Variants in WNK1 observed in about 807,000 individuals in gnomAD.
WNK1 encodes the protein serine/threonine-protein kinase WNK1.
Under a neutral mutation model 222.8 loss-of-function variants are expected in WNK1, and 38 were observed. The observed-to-expected ratio is 0.17, with a 90% CI of 0.13 to 0.22. The LOEUF (loss-of-function observed/expected upper bound fraction) is 0.22. Ranked by LOEUF, WNK1 falls within the 10% of genes least tolerant of loss-of-function variation. The pLI, the probability that WNK1 is intolerant of heterozygous loss-of-function variation, is 1.00. For synonymous variants in WNK1, 1,090 were observed against 1,092.9 expected (o/e 1.00, Z 0.05); for missense variants, 2,348 against 2,918.4 (o/e 0.80, Z 4.50).
intron 3 of WNK1, among the ~76,000 whole-genome samples, chr12:829,644 T>C (rs753891685): frequency 5.9e-5 from 9 of 152,238 alleles, no homozygotes; most frequent in Non-Finnish European, 1.2e-4. Context: ...GTTCCTTGCA[T>C]AGTGTCTTTC....
At chr12:762,144 C>T (rs1484018603) in intron 1 of WNK1, among the ~76,000 whole-genome samples, 1 of 145,094 alleles carries the variant, frequency 6.9e-6, no homozygotes, top group Non-Finnish European at 1.5e-5. Context: ...ACTGCTACCT[C>T]TGCCTCCTGG....
chr12:861,501 A>T (rs977101743), intron 7 of WNK1, among the ~76,000 whole-genome samples, 158 bp downstream of exon 7: 9 of 152,172 alleles, frequency 5.9e-5, no homozygotes, highest in African/African-American at 2.2e-4. Context: ...TTATTCTTAT[A>T]TCTGTGACTA....
intron 15 of WNK1, 100 bp downstream of exon 15, chr12:883,159 A>G (rs1435208830): frequency 3.8e-6 from 4 of 1,047,956 alleles, no homozygotes; most frequent in East Asian, 4.7e-5. Flanking sequence ...ATGTTTTTTT[A>G]AAGTTATGCA....
intron 1 of WNK1, among the ~76,000 whole-genome samples, chr12:770,852 T>G (rs1942389612): frequency 6.6e-6 from 1 of 152,220 alleles, no homozygotes; most frequent in South Asian, 2.1e-4. Flanking sequence ...GGCTTTGTTC[T>G]TTGAGAACTT....
chr12:851,177 C>G (rs11064570), intron 4 of WNK1, among the ~76,000 whole-genome samples: 18,837 of 152,208 alleles, frequency 0.12, 1,503 homozygotes, highest in South Asian at 0.21. Context: ...TTGTGATTCC[C>G]TGTCCAGTGT....
In WNK1 at chr12:882,203, T is replaced by TG; in HGVS notation, c.3372+130_3372+131insG. 6.8e-6 allele frequency: 6 copies of TG among 880,134 alleles called. No homozygotes were observed. The East Asian group carries it at 1.4e-4, about 20-fold the overall frequency. 54.5% of individuals were successfully genotyped at this position (880,134 alleles called of 1,614,324 possible). The stretch of plus-strand genomic sequence containing the variant: ...TAACTATCTGTGTGTGACAGATAAT[T>TG]TTTTTTTTTTTTAGACGGAGTCTCG... On this transcript the variant is annotated intron_variant, in intron 14 of 27. Coordinates refer to ENST00000315939, the MANE Select transcript of WNK1 (RefSeq NM_018979.4).
chr12:785,421 G>A (rs56111888), intron 1 of WNK1, among the ~76,000 whole-genome samples: 54,021 of 111,108 alleles, frequency 0.49, 11,002 homozygotes, highest in Admixed American at 0.61. Flanking sequence ...CCCCCTCGAA[G>A]TGGAGTCTTG....
At chr12:908,294 G>A in intron 27 of WNK1, 181 bp from the exon 28 acceptor site, 1 of 771,190 alleles carries the variant, frequency 1.3e-6, no homozygotes, top group Non-Finnish European at 2.1e-6. Context: ...ACACGCACAT[G>A]ACATCCCTCC....
At position 767,234 on chromosome 12, in the gene WNK1, G is replaced by GTTTTTTTTTTTTTTTTTT. The variant is rs71051382; in HGVS notation, c.759+12928_759+12945dup. Among the ~76,000 whole-genome samples the GTTTTTTTTTTTTTTTTTT allele has an allele frequency of 4.2e-5, 3 of 70,890 alleles. 1 individual carries two copies. Among genetic ancestry groups the GTTTTTTTTTTTTTTTTTT allele is most frequent in the African/African-American group, 1.9e-4 (3 of 15,768 alleles). The allele number at this position is 70,890 out of a possible 152,430, so 46.5% of individuals were successfully genotyped here. On this transcript the variant is annotated intron_variant, in intron 1 of 27. Coordinates refer to ENST00000315939, the MANE Select transcript of WNK1 (RefSeq NM_018979.4). ...TGTGGCAGACTTTCTGGGTTGATAG[G>GTTTTTTTTTTTTTTTTTT]TTTTTTTTTTTTTTTTTTTTTTTTT...
intron 1 of WNK1, among the ~76,000 whole-genome samples, chr12:766,432 T>G (rs1459188915): frequency 1.3e-5 from 2 of 152,104 alleles, no homozygotes; most frequent in Non-Finnish European, 2.9e-5. Context: ...TTTGTCTGCT[T>G]TGGTATCTAT....
At position 868,302 on chromosome 12, in the gene WNK1, C is replaced by T. The variant is rs780984459; in HGVS notation, c.2140-2963C>T. On this transcript the variant is annotated intron_variant, in intron 8 of 27. Transcript: ENST00000315939. The stretch of plus-strand genomic sequence containing the variant: ...TATGTAGCTGGGGTACATTACCAGG[C>T]CCGGGTGGCAGAACAGTATGAGGGC... The T allele has an allele frequency of 1.3e-5, 21 of 1,609,386 alleles. No individual in the cohort carries two copies. The highest frequency in any genetic ancestry group is 4.2e-6 in the Non-Finnish European group (5 of 1,177,566).
intron 1 of WNK1, among the ~76,000 whole-genome samples, chr12:806,446 C>T (rs968920236): frequency 2.6e-5 from 4 of 152,282 alleles, no homozygotes; most frequent in East Asian, 1.9e-4. Context: ...AGAATCCTTT[C>T]GTAACAAGTG....
intron 1 of WNK1, among the ~76,000 whole-genome samples, chr12:794,942 A>T (rs555567361): frequency 6.6e-6 from 1 of 150,920 alleles, no homozygotes; most frequent in African/African-American, 2.4e-5. Context: ...TTGTGTAGAG[A>T]TGTGGTCTTG....
intron 8 of WNK1, chr12:868,594 T>G: frequency 1.9e-6 from 3 of 1,614,016 alleles, no homozygotes; most frequent in Non-Finnish European, 2.5e-6. Context: ...CTGTGTTAAC[T>G]CATAACAATG....
At position 908,847 on chromosome 12, in the gene WNK1, G is replaced by A; in HGVS notation, c.*55G>A. ...GGGCAGGAGATGGAATGCTGAGGGG[G>A]TGGGTGGGGGTGGGAAGTAGCCTAT... On this transcript the variant is annotated 3_prime_UTR_variant, in exon 28 of 28. Coordinates refer to ENST00000315939, the MANE Select transcript of WNK1 (RefSeq NM_018979.4). 7.7e-7 allele frequency: 1 copy of A among 1,294,576 alleles called. No homozygotes were observed. Among genetic ancestry groups the A allele is most frequent in the Non-Finnish European group, 1.1e-6 (1 of 898,736 alleles). 80.2% of individuals were successfully genotyped at this position (1,294,576 alleles called of 1,614,324 possible). A position where few individuals can be genotyped will look rare whatever the true frequency, so the allele number is the denominator to read the frequency against.
chr12:831,537 CAA>C (rs765971109), intron 4 of WNK1, among the ~76,000 whole-genome samples: 3 of 108,996 alleles, frequency 2.8e-5, no homozygotes, highest in Non-Finnish European at 5.8e-5. Context: ...GACTCTGTCT[CAA>C]AAAAAAAAAA....
chr12:753,898 C>G lies in WNK1; in HGVS notation c.333C>G (p.Val111=). The G allele has an allele frequency of 6.2e-7, 1 of 1,611,392 alleles. No homozygotes were observed. Among genetic ancestry groups the G allele is most frequent in the Non-Finnish European group, 8.5e-7 (1 of 1,179,418 alleles). The part of the protein sequence containing the change: ...SLPQPSIPAA[V]PQSAPPEPHR... ...CCCAGCCCAGCATCCCCGCGGCTGT[C>G]CCGCAGAGTGCTCCACCGGAGCCCC... The change falls in exon 1 of 28, where the codon GTC becomes GTG. Residue 111 remains valine, a synonymous_variant. Transcript: ENST00000315939. This position sits in a 1 kb window ranked among gnomAD's most constrained non-coding sequence, Gnocchi z 5.2.
At chr12:803,067 A>G (rs969748820) in intron 1 of WNK1, among the ~76,000 whole-genome samples, 9 of 152,230 alleles carry the variant, frequency 5.9e-5, no homozygotes, top group African/African-American at 2.2e-4. Context: ...TAATGTGTGT[A>G]TTCTTTTTTC....
chr12:880,025 G>C lies in WNK1; in HGVS notation c.2826G>C (p.Leu942=). The C allele has an allele frequency of 6.2e-7, 1 of 1,614,046 alleles. No homozygotes were observed. Among genetic ancestry groups the C allele is most frequent in the Non-Finnish European group, 8.5e-7 (1 of 1,180,008 alleles). The change falls in exon 11 of 28, where the codon CTG becomes CTC. Residue 942 remains leucine (L), a synonymous_variant. Transcript: ENST00000315939. ...TTCCACTTTCCTCTGGAGATGTTCT[G>C]TACCAGGTATTGTGTTAGTTAGCAA... ...AEVPLSSGDV[L]YQGFPPRLPP...
Sources: allele counts gnomAD v4.1 joint callset (sites outside exome capture counted in the v4.1 genomes callset), GRCh38; gene constraint gnomAD v4.1.1; non-coding constraint Gnocchi (gnomAD v3.1); transcripts MANE v1.5; gene names NCBI Gene and HGNC (gene_info 2026-07-23, HGNC 2026-07-21).